Variants in VEZT observed in about 807,000 individuals in gnomAD.
VEZT encodes the protein vezatin, adherens junctions transmembrane protein, also known as vezatin.
Under a neutral mutation model 79.9 loss-of-function variants are expected in VEZT, and 39 were observed. The ratio of observed to expected loss-of-function variants is 0.49; its 90% CI spans 0.38 to 0.64. The LOEUF is 0.64. VEZT is among the 30% of genes least tolerant of loss of function. The probability of loss-of-function intolerance (pLI) is 0.00; values close to 1 mark genes in which losing one functional copy is unlikely to be tolerated. For missense variants in VEZT, 837 were observed against 893.1 expected (o/e 0.94, Z 0.80); for synonymous variants, 325 against 327.6 (o/e 0.99, Z 0.09).
chr12:95,231,208 A>G (rs1483222757), intron 1 of VEZT, among the ~76,000 whole-genome samples: 2 of 152,188 alleles, frequency 1.3e-5, no homozygotes, highest in Non-Finnish European at 2.9e-5. Context: ...TTCTTGGTTT[A>G]TTTAAAAACT....
At chr12:95,254,392 G>T (rs796866863) in intron 2 of VEZT, among the ~76,000 whole-genome samples, 8 of 133,098 alleles carry the variant, frequency 6.0e-5, no homozygotes, top group African/African-American at 2.0e-4. Flanking sequence ...TGTCGCCCAG[G>T]TTGGAGGGCA....
At chr12:95,261,027 A>G (rs1192840298) in intron 3 of VEZT, among the ~76,000 whole-genome samples, 1 of 150,510 alleles carries the variant, frequency 6.6e-6, no homozygotes, top group Non-Finnish European at 1.5e-5. Flanking sequence ...AAAAAGCCAT[A>G]TCAGGCTAAA....
At chr12:95,290,627 A>T (rs2072500583) in intron 9 of VEZT, 1 of 152,196 alleles carries the variant, frequency 6.6e-6, no homozygotes, top group African/African-American at 2.4e-5. Context: ...AAGGAATTGG[A>T]GATGGAGGGA....
chr12:95,217,825 T>C lies in VEZT; in HGVS notation c.-26T>C. The stretch of plus-strand genomic sequence containing the variant: ...CTCCCGCCTTCATTTCCCATCGTGC[T>C]GAGGCGGGTGGCATGGCGGAGAAGG... On this transcript the variant is annotated 5_prime_UTR_variant, in exon 1 of 12. Transcript: ENST00000436874. 6 of 1,548,166 alleles carry C rather than the reference T, an allele frequency of 3.9e-6. No homozygotes were observed. Among genetic ancestry groups the C allele is most frequent in the Non-Finnish European group, 5.2e-6 (6 of 1,152,162 alleles).
intron 1 of VEZT, among the ~76,000 whole-genome samples, chr12:95,247,249 T>C (rs2061852996): frequency 6.6e-6 from 1 of 152,194 alleles, no homozygotes; most frequent in Non-Finnish European, 1.5e-5. Flanking sequence ...GTACGGCTAT[T>C]CTTCTTTGAT....
intron 1 of VEZT, among the ~76,000 whole-genome samples, chr12:95,246,406 A>T (rs1213772622): frequency 1.3e-5 from 2 of 152,176 alleles, no homozygotes; most frequent in African/African-American, 4.8e-5. Flanking sequence ...TACAGGCGTG[A>T]GCCACCGCAC....
chr12:95,264,659 A>G (rs1308951011), intron 4 of VEZT, among the ~76,000 whole-genome samples: 1 of 151,892 alleles, frequency 6.6e-6, no homozygotes, highest in Non-Finnish European at 1.5e-5. Context: ...CTGGTCTTGA[A>G]TTCCTGAACT....
intron 1 of VEZT, chr12:95,243,927 C>T (rs774291097): frequency 2.2e-6 from 1 of 455,918 alleles, no homozygotes; most frequent in Non-Finnish European, 4.4e-6. Context: ...GACCTTCTAC[C>T]ATATTATATC....
chr12:95,260,102 T>G (rs1444921749), intron 3 of VEZT, among the ~76,000 whole-genome samples: 2 of 135,192 alleles, frequency 1.5e-5, no homozygotes, highest in Non-Finnish European at 3.1e-5. Flanking sequence ...TGATCACTTT[T>G]TTTTTTTTTT....
intron 2 of VEZT, among the ~76,000 whole-genome samples, chr12:95,254,298 A>G (rs1321999696): frequency 6.7e-6 from 1 of 148,886 alleles, no homozygotes; most frequent in African/African-American, 2.5e-5. Context: ...TTCTAAGACA[A>G]GTTTTTAACT....
At chr12:95,225,796 G>T (rs1317274696) in intron 1 of VEZT, among the ~76,000 whole-genome samples, 2 of 125,574 alleles carry the variant, frequency 1.6e-5, no homozygotes, top group East Asian at 4.6e-4. Flanking sequence ...AAAAAAAAGA[G>T]AGAGAAGGAT....
At position 95,257,180 on chromosome 12, in the gene VEZT, A is replaced by G. The variant is rs2063602310; in HGVS notation, c.199A>G (p.Ile67Val). 1.9e-6 allele frequency: 3 copies of G among 1,611,898 alleles called. No individual in the cohort carries two copies. Among genetic ancestry groups the G allele is most frequent in the African/African-American group, 2.7e-5 (2 of 75,038 alleles). ...QGILLKVAETIKSWIFFSQCN... is the reference protein window; with the variant it reads ...QGILLKVAETVKSWIFFSQCN... Reference sequence around the variant, plus strand: ...TATCCTGTTAAAAGTGGCTGAAACCATCAAAAGTTGGATTTTTTTTTCTCA... The same window carrying G: ...TATCCTGTTAAAAGTGGCTGAAACCGTCAAAAGTTGGATTTTTTTTTCTCA... Residue 67 changes from isoleucine (I) to valine (V), a missense_variant, in exon 3 of 12, where the codon ATC (isoleucine) becomes GTC (valine). By Grantham distance (29) the Ile-to-Val change is conservative. Coordinates refer to ENST00000436874, the MANE Select transcript of VEZT (RefSeq NM_017599.4).
At chr12:95,234,221 A>T (rs1055798597) in intron 1 of VEZT, among the ~76,000 whole-genome samples, 3 of 150,634 alleles carry the variant, frequency 2.0e-5, no homozygotes, top group African/African-American at 7.3e-5. Flanking sequence ...TTACTGGTTT[A>T]TGTGGCCTTA....
intron 8 of VEZT, among the ~76,000 whole-genome samples, chr12:95,285,390 G>A (rs939741580): frequency 6.6e-6 from 1 of 151,986 alleles, no homozygotes; most frequent in Non-Finnish European, 1.5e-5. Context: ...GTTGCAGTGA[G>A]CCGAAATCAC....
chr12:95,289,156 G>C (rs1400428550), intron 9 of VEZT, among the ~76,000 whole-genome samples: 1 of 150,314 alleles, frequency 6.7e-6, no homozygotes, highest in African/African-American at 2.4e-5. Flanking sequence ...AGTGGCTCAC[G>C]CCTGTAATCC....
chr12:95,228,703 G>A lies in VEZT; in HGVS notation c.36+10817G>A, dbSNP rs568796586. Among the ~76,000 whole-genome samples, 16 of 152,174 alleles carry A rather than the reference G, an allele frequency of 1.1e-4. No individual in the cohort carries two copies. The South Asian group carries it at 1.7e-3, about 16-fold the overall frequency. ...CACAACTCTATTGACATCAAAGATTGACCATTAAGACCAAGTCTAGCCAGA... is the reference window on the plus strand; with the variant it reads ...CACAACTCTATTGACATCAAAGATTAACCATTAAGACCAAGTCTAGCCAGA... On this transcript the variant is annotated intron_variant, in intron 1 of 11. Transcript: ENST00000436874.
At chr12:95,242,508 C>G (rs983179312) in intron 1 of VEZT, among the ~76,000 whole-genome samples, 14 of 152,006 alleles carry the variant, frequency 9.2e-5, no homozygotes, top group African/African-American at 3.4e-4. Context: ...GATCATAGGC[C>G]CTACGGCCTC....
Position 95,296,162 on chromosome 12 carries a change from T to G in VEZT, c.1735T>G (p.Ser579Ala). Reference sequence around the variant, plus strand: ...GAGACAGAAGCGTGAGCATGAAGAATCCAAGAGGGTGCTCCAAGAATTAAA... The same window carrying G: ...GAGACAGAAGCGTGAGCATGAAGAAGCCAAGAGGGTGCTCCAAGAATTAAA... ...KERQKREHEE[S>A]KRVLQELKSV... The change falls in exon 11 of 12, where the codon TCC (serine) becomes GCC (alanine). Residue 579 changes from serine (S) to alanine (A), a missense_variant. Coordinates refer to ENST00000436874, the MANE Select transcript of VEZT (RefSeq NM_017599.4). 6.3e-7 allele frequency: 1 copy of G among 1,577,544 alleles called. No individual in the cohort carries two copies. The highest frequency in any genetic ancestry group is 8.6e-7 in the Non-Finnish European group (1 of 1,160,516).
rs1463836484 is a variant in VEZT, at chr12:95,294,262, T to C, written c.1523-10T>C. 1.3e-6 allele frequency: 2 copies of C among 1,571,046 alleles called. No individual in the cohort carries two copies. The highest frequency in any genetic ancestry group is 1.2e-5 in the South Asian group (1 of 85,112). Reference sequence around the variant, plus strand: ...TTATCTTTATTCCCATCTATTCCCGTTTTTTAAAGGCAAGCCTGAAATAGC... The same window carrying C: ...TTATCTTTATTCCCATCTATTCCCGCTTTTTAAAGGCAAGCCTGAAATAGC... On this transcript the variant is annotated splice_polypyrimidine_tract_variant and intron_variant, in intron 9 of 11. Coordinates refer to ENST00000436874, the MANE Select transcript of VEZT (RefSeq NM_017599.4).
Sources: gnomAD v4.1 joint callset for allele counts (sites outside exome capture counted in the v4.1 genomes callset) on GRCh38, gnomAD v4.1.1 for gene constraint, MANE v1.5 for transcripts, NCBI Gene and HGNC (gene_info 2026-07-23, HGNC 2026-07-21) for gene names.